Variants in ZNF214 observed in about 807,000 individuals in gnomAD.
ZNF214 encodes the protein BWSCR2-associated zinc finger protein 1.
In ZNF214, 43 loss-of-function variants were observed where a neutral mutation model predicts 53.9. The ratio of observed to expected loss-of-function variants is 0.80; its 90% confidence interval spans 0.63 to 1.03. The LOEUF (loss-of-function observed/expected upper bound fraction) is 1.03. Among genes scored for constraint, ZNF214 ranks in the 50% least tolerant of loss-of-function variants. The pLI, the probability that ZNF214 is intolerant of heterozygous loss-of-function variation, is 0.00. For missense variants in ZNF214, 724 were observed against 719.1 expected (o/e 1.01, Z -0.08); for synonymous variants, 217 against 229.5 (o/e 0.95, Z 0.49).
At chr11:7,010,123 G>A (rs1851570935) in intron 1 of ZNF214, among the ~76,000 whole-genome samples, 1 of 151,988 alleles carries the variant, frequency 6.6e-6, no homozygotes, top group African/African-American at 2.4e-5. Flanking sequence ...GCATGTGTAT[G>A]TTCATTTCAG....
chr11:7,013,589 C>T (rs558690959), intron 1 of ZNF214, among the ~76,000 whole-genome samples: 472 of 152,332 alleles, frequency 3.1e-3, no homozygotes, highest in Middle Eastern at 6.8e-3. Context: ...CAATAAATAG[C>T]GTGGGCTCCC....
chr11:7,011,819 G>A (rs1564998806), intron 1 of ZNF214, among the ~76,000 whole-genome samples: 1 of 151,934 alleles, frequency 6.6e-6, no homozygotes, highest in Non-Finnish European at 1.5e-5. Flanking sequence ...ACAATAAATA[G>A]TTTAATGACT....
chr11:7,006,380 C>G (rs1851473336), intron 1 of ZNF214, among the ~76,000 whole-genome samples: 1 of 151,998 alleles, frequency 6.6e-6, no homozygotes, highest in African/African-American at 2.4e-5. Flanking sequence ...ACAGCTCTCT[C>G]CGATTATTAG....
intron 2 of ZNF214, among the ~76,000 whole-genome samples, chr11:7,002,433 T>C (rs571784757): frequency 6.6e-6 from 1 of 152,064 alleles, no homozygotes; most frequent in East Asian, 1.9e-4. Flanking sequence ...GAGAAAAAAT[T>C]TAGGACCACA....
intron 1 of ZNF214, among the ~76,000 whole-genome samples, chr11:7,009,021 C>A (rs1168739751): frequency 2.0e-5 from 3 of 151,842 alleles, no homozygotes; most frequent in African/African-American, 7.3e-5. Flanking sequence ...TATACAGATT[C>A]AATGATACTT....
intron 1 of ZNF214, among the ~76,000 whole-genome samples, chr11:7,007,371 C>CAT (rs35410843): frequency 0.91 from 137,136 of 150,394 alleles, 63,251 homozygotes; most frequent in East Asian, 1. Flanking sequence ...TTAAAAGACT[C>CAT]AGATTAAAAA....
intron 1 of ZNF214, among the ~76,000 whole-genome samples, chr11:7,006,812 CACAT>C (rs1032706291): frequency 5.3e-5 from 8 of 152,014 alleles, no homozygotes; most frequent in African/African-American, 1.9e-4. Flanking sequence ...TTCAATTTCA[CACAT>C]AGTTTCTATT....
chr11:7,003,499 C>G (rs952047891), intron 1 of ZNF214, among the ~76,000 whole-genome samples: 17 of 151,916 alleles, frequency 1.1e-4, no homozygotes, highest in African/African-American at 3.6e-4. Flanking sequence ...ACTCTCAGAA[C>G]AATCCAATAA....
chr11:7,016,011 A>T (rs1851755228), intron 1 of ZNF214: 1 of 152,018 alleles, frequency 6.6e-6, no homozygotes, highest in Non-Finnish European at 1.5e-5. Context: ...TGATGTTGGG[A>T]CAAATGATGA....
Position 7,000,210 on chromosome 11 carries a change from T to TA in ZNF214, c.1472dup (p.His492ThrfsTer10), listed in dbSNP as rs1564988609. ...ATTTGTAGGGTTTCTCTCCAGTATG[T>TA]ACTCTTTGATGAGTGTGAAGCTTTG... is the stretch of plus-strand genomic sequence containing the variant. On this transcript the variant is annotated frameshift_variant, in exon 3 of 3. Coordinates refer to ENST00000278314, the MANE Select transcript of ZNF214 (RefSeq NM_013249.4). LOFTEE classifies it high-confidence loss of function. 1 of 1,613,246 alleles carries TA rather than the reference T, an allele frequency of 6.2e-7. No homozygotes were observed. Among genetic ancestry groups the TA allele is most frequent in the South Asian group, 1.1e-5 (1 of 91,040 alleles).
chr11:7,015,464 C>G lies in ZNF214; in HGVS notation c.-21+4609G>C, dbSNP rs186187769. On this transcript the variant is annotated intron_variant, in intron 1 of 2. Transcript: ENST00000278314. ...GTGGGGCTCACCCGTGTAATCCCAG[C>G]TACTTGGGAGGCTGAGGCATGAGAA... Among the ~76,000 whole-genome samples the G allele has an allele frequency of 4.1e-3, 624 of 152,080 alleles. 7 individuals carry two copies. The highest frequency in any genetic ancestry group is 0.014 in the African/African-American group (579 of 41,500).
At chr11:7,009,937 C>G (rs967935408) in intron 1 of ZNF214, among the ~76,000 whole-genome samples, 1 of 151,822 alleles carries the variant, frequency 6.6e-6, no homozygotes, top group Non-Finnish European at 1.5e-5. Flanking sequence ...GACAAAGTAG[C>G]AGAGAAAAAG....
At chr11:7,002,245 C>A (rs962145216) in intron 2 of ZNF214, among the ~76,000 whole-genome samples, 2 of 151,976 alleles carry the variant, frequency 1.3e-5, no homozygotes, top group Admixed American at 6.6e-5. Context: ...GACTGCCCCA[C>A]ATTTGAGTCA....
At chr11:7,001,635 T>C in intron 2 of ZNF214, 80 bp from the exon 3 acceptor site, 1 of 1,455,364 alleles carries the variant, frequency 6.9e-7, no homozygotes, top group South Asian at 1.4e-5. Flanking sequence ...CAATGACCTT[T>C]AAATGATAGG....
chr11:7,013,864 T>C (rs1851678423), intron 1 of ZNF214, among the ~76,000 whole-genome samples: 1 of 152,256 alleles, frequency 6.6e-6, no homozygotes, highest in Non-Finnish European at 1.5e-5. Context: ...TTAGGAAAGC[T>C]ATTAACTTTA....
Position 7,019,658 on chromosome 11 carries a change from A to C in ZNF214, c.-21+415T>G, listed in dbSNP as rs1851864205. On this transcript the variant is annotated intron_variant, in intron 1 of 2. Transcript: ENST00000278314. ...ACTTTAAAGAGGACCAAACTTATAG[A>C]TCTCCAAGATCTCAGTTTCCTTACC... is the stretch of plus-strand genomic sequence containing the variant. 6 of 152,296 alleles carry C rather than the reference A, an allele frequency of 3.9e-5. No homozygotes were observed. The South Asian group carries it at 1.2e-3, about 32-fold the overall frequency. The allele number at this position is 152,296 out of a possible 1,614,324, so 9.4% of individuals were successfully genotyped here.
chr11:7,016,910 A>G (rs1311891783), intron 1 of ZNF214, among the ~76,000 whole-genome samples: 2 of 152,190 alleles, frequency 1.3e-5, no homozygotes, highest in South Asian at 2.1e-4. Context: ...ACAGAACTAT[A>G]TAAGTAAAAG....
At chr11:7,005,415 AAGGATACTAAAATTG>A (rs1239617970) in intron 1 of ZNF214, among the ~76,000 whole-genome samples, 12 of 152,230 alleles carry the variant, frequency 7.9e-5, no homozygotes, top group African/African-American at 2.9e-4. Context: ...TGATAGAGAA[AAGGATACTAAAATTG>A]AGTTTTAAAA....
intron 1 of ZNF214, among the ~76,000 whole-genome samples, chr11:7,008,170 A>C (rs1851518611): frequency 6.6e-6 from 1 of 152,174 alleles, no homozygotes; most frequent in Non-Finnish European, 1.5e-5. Flanking sequence ...AGTGGCACAC[A>C]CCTGTAATTC....
Sources: gnomAD v4.1 joint callset for allele counts (sites outside exome capture counted in the v4.1 genomes callset) on GRCh38, gnomAD v4.1.1 for gene constraint, MANE v1.5 for transcripts, NCBI Gene and HGNC (gene_info 2026-07-23, HGNC 2026-07-21) for gene names.